PCF11: variants seen among roughly 807,000 people sequenced by gnomAD.
The protein encoded by PCF11 is pre-mRNA cleavage complex 2 protein Pcf11.
Under a neutral mutation model 166.1 loss-of-function variants are expected in PCF11, and 19 were observed. The ratio of observed to expected loss-of-function variants is 0.11; its 90% confidence interval spans 0.08 to 0.17. The LOEUF (loss-of-function observed/expected upper bound fraction) is 0.17, where lower values mean the gene tolerates loss of function less well. Ranked by LOEUF, PCF11 falls within the 10% of genes least tolerant of loss-of-function variation. The pLI is 1.00. For synonymous variants in PCF11, 663 were observed against 644.1 expected (o/e 1.03, Z -0.44); for missense variants, 1,565 against 1,855.5 (o/e 0.84, Z 2.88).
intron 2 of PCF11, among the ~76,000 whole-genome samples, chr11:83,162,515 G>T (rs1860297508): frequency 1.3e-5 from 2 of 152,178 alleles, no homozygotes; most frequent in Non-Finnish European, 2.9e-5. Context: ...CTAACCAGAG[G>T]CTGTAGTCTT....
At chr11:83,165,840 A>C in exon 5 of PCF11, 1 of 1,608,984 alleles carries the variant, frequency 6.2e-7, no homozygotes, top group Non-Finnish European at 8.5e-7. Context: ...GAGTCACAGG[A>C]AAGAATTTCT....
Position 83,166,356 on chromosome 11 carries a change from T to C in PCF11, c.1459T>C (p.Ser487Pro), listed in dbSNP as rs747385857. 6.8e-6 allele frequency: 11 copies of C among 1,613,708 alleles called. No individual in the cohort carries two copies. The highest frequency in any genetic ancestry group is 1.1e-5 in the South Asian group (1 of 91,076). The change falls in exon 5 of 16, where the codon TCT becomes CCT. Residue 487 changes from serine to proline, a missense_variant. By Grantham distance (74) the Ser-to-Pro change is moderately conservative. Coordinates refer to ENST00000298281, the Ensembl canonical transcript of PCF11. ...GCGATCAAGATCTCGATCACCCAAG[T>C]CTAGGTCACCAATTATACATTCCCC... is the stretch of plus-strand genomic sequence containing the variant.
intron 1 of PCF11, among the ~76,000 whole-genome samples, chr11:83,161,107 C>G (rs1348466823): frequency 6.6e-6 from 1 of 152,168 alleles, no homozygotes; most frequent in African/African-American, 2.4e-5. Context: ...TTAGGGATTA[C>G]AGCTGTTGTT....
At position 83,184,931 on chromosome 11, in the gene PCF11, AGCT is replaced by A. The variant is rs375346998; in HGVS notation, c.*42_*44del. 60 of 1,414,758 alleles carry A rather than the reference AGCT, an allele frequency of 4.2e-5. 1 individual carries two copies. In the South Asian group the frequency reaches 7.4e-4, roughly 17 times the overall value. 87.6% of individuals were successfully genotyped at this position (1,414,758 alleles called of 1,614,324 possible). On this transcript the variant is annotated 3_prime_UTR_variant, in exon 16 of 16. Transcript: ENST00000298281. ...AAGGTATGTTTTTCTTTTTTAAAAA[AGCT>A]GCTGTTGGATCTAGAAGGTGAAGAA...
chr11:83,161,040 AACAC>A (rs1045508047), intron 1 of PCF11, among the ~76,000 whole-genome samples: 3 of 152,190 alleles, frequency 2.0e-5, no homozygotes. Flanking sequence ...TGTCACTTAA[AACAC>A]AGGTCTTTTT....
rs548367015 is a variant in PCF11, at chr11:83,171,883, A to G, written c.3726A>G (p.Pro1242=). Residue 1242 remains proline (P), a synonymous_variant, in exon 9 of 16, where the codon CCA becomes CCG. Coordinates refer to ENST00000298281, the Ensembl canonical transcript of PCF11. ...GACAACAGTTTTTACCAGTTCATCC[A>G]CAAAATCCTGGATTTGTTCAGAATC... 425 of 1,596,298 alleles carry G rather than the reference A, an allele frequency of 2.7e-4. 5 individuals carry two copies. The South Asian group carries it at 4.4e-3, about 17-fold the overall frequency.
Position 83,161,318 on chromosome 11 carries a change from TTTA to T in PCF11, c.193-6_193-4del, listed in dbSNP as rs762324629. The T allele has an allele frequency of 5.0e-6, 8 of 1,586,822 alleles. No homozygotes were observed. Among genetic ancestry groups the T allele is most frequent in the Middle Eastern group, 1.7e-4 (1 of 5,998 alleles). ...ATTATACTAAACTTCTCAGTTTCTT[TTTA>T]TTCAGGCTCCTTCCTCAGAGAAGCT... On this transcript the variant is annotated splice_region_variant and splice_polypyrimidine_tract_variant and intron_variant, in intron 1 of 15. Coordinates refer to ENST00000298281, the Ensembl canonical transcript of PCF11.
At chr11:83,165,826 A>G in exon 5 of PCF11, 1 of 1,610,192 alleles carries the variant, frequency 6.2e-7, no homozygotes, top group Admixed American at 1.7e-5. Context: ...CATGGAAAAG[A>G]TCAGAGTCAC....
chr11:83,166,105 G>T, exon 5 of PCF11: 1 of 1,610,436 alleles, frequency 6.2e-7, no homozygotes, highest in Non-Finnish European at 8.5e-7. Flanking sequence ...AGAGATCCAA[G>T]ATTAAAAAAA....
exon 3 of PCF11, chr11:83,163,815 C>T (rs753763850): frequency 5.7e-6 from 9 of 1,584,764 alleles, no homozygotes; most frequent in Admixed American, 1.8e-5. Flanking sequence ...CCTCTACCCC[C>T]CAATGTGAAT....
At chr11:83,169,215 T>G (rs1287501441) in exon 8 of PCF11, 1 of 1,613,430 alleles carries the variant, frequency 6.2e-7, no homozygotes, top group Middle Eastern at 1.7e-4. Context: ...AGGGCCCCCA[T>G]GGTCAGTCAG....
chr11:83,159,099 TTTTTCC>T (rs1460343837), intron 1 of PCF11, among the ~76,000 whole-genome samples: 3 of 152,180 alleles, frequency 2.0e-5, no homozygotes, highest in Non-Finnish European at 4.4e-5. Flanking sequence ...GTTTTTTTTC[TTTTTCC>T]TTTTAAGGAC....
exon 5 of PCF11, chr11:83,166,550 TATTCGGGATCCAAGGCGAATG>T: frequency 6.2e-7 from 1 of 1,613,920 alleles, no homozygotes; most frequent in African/African-American, 1.3e-5. Flanking sequence ...CTAAACAGGA[TATTCGGGATCCAAGGCGAATG>T]AAAAAGACTG....
chr11:83,184,585 C>A, intron 15 of PCF11, 94 bp from the exon 16 acceptor site: 1 of 815,048 alleles, frequency 1.2e-6, no homozygotes, highest in South Asian at 1.6e-5. Context: ...TATGTGTGTT[C>A]TCTTGTTCAT....
intron 15 of PCF11, 130 bp downstream of exon 15, chr11:83,183,203 A>T: frequency 1.8e-6 from 1 of 557,406 alleles, no homozygotes. Flanking sequence ...GTTTTTTGAT[A>T]TAGCATTTAG....
At chr11:83,186,377 A>T (rs1861292296) in exon 16 of PCF11, 1 of 152,232 alleles carries the variant, frequency 6.6e-6, no homozygotes, top group African/African-American at 2.4e-5. Context: ...GTTAAAACTC[A>T]GTAGTTTTGA....
rs200275998 is a variant in PCF11, at chr11:83,183,007, C to T, written c.4417-31C>T. ...GAATAGCCCATTAGAAATGAATACG[C>T]ACATATTTACTTTTTTTCTTTTTGC... On this transcript the variant is annotated intron_variant, in intron 14 of 15. Transcript: ENST00000298281. The T allele has an allele frequency of 2.0e-5, 24 of 1,208,862 alleles. No homozygotes were observed. The African/African-American group carries it at 2.9e-4, about 14-fold the overall frequency. 74.9% of individuals were successfully genotyped at this position (1,208,862 alleles called of 1,614,324 possible).
chr11:83,157,357 G>C (rs868217277), exon 1 of PCF11: 9 of 1,264,898 alleles, frequency 7.1e-6, no homozygotes, highest in Middle Eastern at 2.7e-4. Flanking sequence ...CCGGGGAGAG[G>C]AAGAGGAGTC....
At position 83,165,589 on chromosome 11, in the gene PCF11, T is replaced by C. The variant is rs1330901176; in HGVS notation, c.703-11T>C. On this transcript the variant is annotated splice_polypyrimidine_tract_variant and intron_variant, in intron 4 of 15. Coordinates refer to ENST00000298281, the Ensembl canonical transcript of PCF11. The stretch of plus-strand genomic sequence containing the variant: ...TGCAGTGTTAACATGAACATTTATT[T>C]TGTGTTTTAGGCAGTTTCTCTTAGT... 6.3e-7 allele frequency: 1 copy of C among 1,591,732 alleles called. No individual in the cohort carries two copies. The highest frequency in any genetic ancestry group is 8.5e-7 in the Non-Finnish European group (1 of 1,170,354).
Sources: gnomAD v4.1 joint callset for allele counts (sites outside exome capture counted in the v4.1 genomes callset) on GRCh38, gnomAD v4.1.1 for gene constraint, MANE v1.5 for transcripts, NCBI Gene and HGNC (gene_info 2026-07-23, HGNC 2026-07-21) for gene names.